The following JAK1 variants were observed in gnomAD, a reference collection of about 807,000 sequenced individuals.
JAK1 encodes tyrosine-protein kinase JAK1.
Under a neutral mutation model 136.6 loss-of-function variants are expected in JAK1, and 16 were observed. The observed-to-expected ratio is 0.12, with a 90% CI of 0.08 to 0.18. JAK1 has a LOEUF of 0.18. JAK1 is among the 10% of genes least tolerant of loss of function. The pLI is 1.00. For missense variants in JAK1, 859 were observed against 1,450.1 expected, an observed-to-expected ratio of 0.59 and a Z score of 6.62; for synonymous variants, 492 against 519.5, an observed-to-expected ratio of 0.95 and a Z score of 0.72.
chr1:64,908,502 T>A (rs1461083033), intron 1 of JAK1, among the ~76,000 whole-genome samples: 1 of 152,150 alleles, frequency 6.6e-6, no homozygotes, highest in Non-Finnish European at 1.5e-5. Flanking sequence ...ATATATATAT[T>A]AATTATGTTT....
chr1:64,950,021 AT>A (rs1646054043), intron 1 of JAK1, among the ~76,000 whole-genome samples: 1 of 152,258 alleles, frequency 6.6e-6, no homozygotes, highest in Non-Finnish European at 1.5e-5. Context: ...GTATCCAGCA[AT>A]TAAAATTACA....
At chr1:65,066,415 T>C (rs1222193073) in intron 1 of JAK1, among the ~76,000 whole-genome samples, 1 of 152,048 alleles carries the variant, frequency 6.6e-6, no homozygotes, top group Non-Finnish European at 1.5e-5. Flanking sequence ...CTGATGGAAA[T>C]AAACAGGTGA....
intron 2 of JAK1, among the ~76,000 whole-genome samples, chr1:65,038,198 C>CTTTTTTTTTTTTTT (rs113538392): frequency 3.0e-5 from 4 of 133,278 alleles, no homozygotes; most frequent in South Asian, 4.8e-4. Context: ...TTTTTCTTTT[C>CTTTTTTTTTTTTTT]TTTTTTTTTT....
At position 64,866,986 on chromosome 1, in the gene JAK1, C is replaced by T; in HGVS notation, c.870G>A (p.Met290Ile). The T allele has an allele frequency of 6.2e-7, 1 of 1,614,194 alleles. No individual in the cohort carries two copies. The highest frequency in any genetic ancestry group is 8.5e-7 in the Non-Finnish European group (1 of 1,179,986). ...HYGAEIFETS[M>I]LLISSENEMN... is the part of the protein sequence containing the mutation. ...TCTCATTTTCTGATGAAATCAGTAA[C>T]ATGGAAGTCTCAAATATTTCAGCAC... Residue 290 changes from methionine to isoleucine, a missense_variant, in exon 7 of 25, where the codon ATG becomes ATA. Transcript: ENST00000342505.
chr1:64,907,122 A>T (rs115569704), intron 1 of JAK1, among the ~76,000 whole-genome samples: 1,806 of 152,202 alleles, frequency 0.012, 41 homozygotes, highest in African/African-American at 0.041. Context: ...GATGATAGGG[A>T]GGGGAACAAT....
chr1:64,953,086 A>T (rs1439379055), intron 1 of JAK1, among the ~76,000 whole-genome samples: 1 of 152,228 alleles, frequency 6.6e-6, no homozygotes, highest in Non-Finnish European at 1.5e-5. Context: ...TTGCATAAGG[A>T]GGTTTCCTAA....
At chr1:64,970,657 G>A (rs781116436), upstream of JAK1, among the ~76,000 whole-genome samples, 6 of 151,666 alleles carry the variant, frequency 4.0e-5, no homozygotes, top group Admixed American at 1.3e-4. Context: ...CCAGCTACTC[G>A]AGAGGCTGAG....
chr1:64,841,060 G>A (rs1488437475), intron 19 of JAK1, among the ~76,000 whole-genome samples, 185 bp downstream of exon 19: 2 of 152,188 alleles, frequency 1.3e-5, no homozygotes, highest in Non-Finnish European at 2.9e-5. Context: ...TCCGTGCCGT[G>A]TGTCACATGG....
chr1:65,054,015 T>C (rs1257875233), intron 1 of JAK1, among the ~76,000 whole-genome samples: 2 of 152,170 alleles, frequency 1.3e-5, no homozygotes, highest in Non-Finnish European at 2.9e-5. Context: ...CTGGTGGAGG[T>C]AGTCTAATGT....
intron 20 of JAK1, among the ~76,000 whole-genome samples, chr1:64,839,124 C>A (rs1285911123): frequency 3.9e-5 from 5 of 128,840 alleles, no homozygotes; most frequent in African/African-American, 1.3e-4. Context: ...CCAGCCTGGG[C>A]CACAGAGCGA....
At chr1:64,922,184 C>T (rs1645505997) in intron 1 of JAK1, among the ~76,000 whole-genome samples, 2 of 151,798 alleles carry the variant, frequency 1.3e-5, no homozygotes, top group Admixed American at 1.3e-4. Flanking sequence ...TACTAAATGC[C>T]CCCCACCCCC....
chr1:64,846,822 G>T, intron 13 of JAK1, 86 bp from the exon 14 acceptor site: 1 of 1,041,604 alleles, frequency 9.6e-7, no homozygotes, highest in Non-Finnish European at 1.5e-6. Context: ...AAAGCCAGTG[G>T]ACCCAGGAAA....
chr1:64,973,924 G>A (rs1055523621), intron 2 of JAK1: 2 of 152,018 alleles, frequency 1.3e-5, no homozygotes, highest in African/African-American at 4.8e-5. Flanking sequence ...TTCCTTAAAG[G>A]TATCATGCAT....
intron 2 of JAK1, chr1:64,985,479 G>T (rs959662304): frequency 6.3e-7 from 1 of 1,599,416 alleles, no homozygotes; most frequent in Non-Finnish European, 8.6e-7. Context: ...GGGACTTTCA[G>T]GGCAAAAAGG....
chr1:64,996,400 T>C (rs1646704206), intron 2 of JAK1, among the ~76,000 whole-genome samples: 2 of 152,230 alleles, frequency 1.3e-5, no homozygotes, highest in Admixed American at 6.5e-5. Context: ...GCAGAAACTA[T>C]GTCCTATATT....
At chr1:65,028,505 G>GAGGA in intron 2 of JAK1, among the ~76,000 whole-genome samples, 1 of 132,532 alleles carries the variant, frequency 7.5e-6, no homozygotes, top group South Asian at 2.9e-4. Context: ...GGGAGGGAGG[G>GAGGA]AGGGAGGGAC....
intron 12 of JAK1, among the ~76,000 whole-genome samples, chr1:64,848,427 A>C (rs530012426): frequency 1.1e-4 from 17 of 152,222 alleles, no homozygotes; most frequent in Admixed American, 3.9e-4. Flanking sequence ...TGCAAAGTAC[A>C]CCTGCATTTG....
At chr1:64,925,980 TC>T (rs1263703212) in intron 1 of JAK1, among the ~76,000 whole-genome samples, 4 of 152,106 alleles carry the variant, frequency 2.6e-5, no homozygotes, top group African/African-American at 9.7e-5. Flanking sequence ...GTGGGCAGGC[TC>T]CTTTAGGTAG....
At chr1:64,840,147 C>G (rs1654795967) in intron 19 of JAK1, among the ~76,000 whole-genome samples, 1 of 152,238 alleles carries the variant, frequency 6.6e-6, no homozygotes, top group Non-Finnish European at 1.5e-5. Flanking sequence ...ACAGGCCCCA[C>G]AGCATGGCTG....
Sources: gnomAD v4.1 joint callset for allele counts (sites outside exome capture counted in the v4.1 genomes callset) on GRCh38, gnomAD v4.1.1 for gene constraint, MANE v1.5 for transcripts, NCBI Gene and HGNC (gene_info 2026-07-23, HGNC 2026-07-21) for gene names.